ZFHX3: variants seen among roughly 807,000 people sequenced by gnomAD.
ZFHX3 encodes the protein zinc finger homeobox 3, also known as zinc finger homeobox protein 3.
In ZFHX3, 42 loss-of-function variants were observed where a neutral mutation model predicts 279.1. The observed-to-expected ratio is 0.15, with a 90% CI of 0.12 to 0.19. ZFHX3 has a LOEUF of 0.19. ZFHX3 is among the 10% of genes least tolerant of loss of function. The probability of loss-of-function intolerance (pLI) is 1.00; values close to 1 mark genes in which losing one functional copy is unlikely to be tolerated. For synonymous variants in ZFHX3, 2,293 were observed against 1,957.8 expected (o/e 1.17, Z -4.52); for missense variants, 4,981 against 4,754.0 (o/e 1.05, Z -1.40).
rs184108854 is a variant in ZFHX3, at chr16:73,702,661, C to T, written c.-1607-22421G>A. ...TGGAGGATTCCTCGTTATATGTGGCCTGAAAAGATGAGACAGCGCAGAATT... is the reference window on the plus strand; with the variant it reads ...TGGAGGATTCCTCGTTATATGTGGCTTGAAAAGATGAGACAGCGCAGAATT... On this transcript the variant is annotated intron_variant, in intron 1 of 17. Transcript: ENST00000641206. 6.8e-4 allele frequency among the ~76,000 whole-genome samples: 103 copies of T among 152,026 alleles called. 1 individual carries two copies. The highest frequency in any genetic ancestry group is 2.3e-3 in the African/African-American group (96 of 41,402).
chr16:73,494,372 C>T (rs1300576320), intron 2 of ZFHX3, among the ~76,000 whole-genome samples: 2 of 152,150 alleles, frequency 1.3e-5, no homozygotes, highest in Admixed American at 1.3e-4. Flanking sequence ...CAAAAGTCGG[C>T]ATCCATTTGT....
chr16:73,533,789 TC>T (rs1440102084), intron 2 of ZFHX3, among the ~76,000 whole-genome samples: 1 of 152,184 alleles, frequency 6.6e-6, no homozygotes, highest in African/African-American at 2.4e-5. Context: ...GAACTCCCTC[TC>T]TTTTACAGCC....
At chr16:73,211,520 G>C (rs181313000) in intron 5 of ZFHX3, among the ~76,000 whole-genome samples, 10 of 152,064 alleles carry the variant, frequency 6.6e-5, no homozygotes, top group Non-Finnish European at 1.0e-4. Context: ...AAAGCACGGG[G>C]AAATATACCT....
intron 4 of ZFHX3, among the ~76,000 whole-genome samples, chr16:72,860,216 C>T (rs1166435942): frequency 6.6e-6 from 1 of 152,144 alleles, no homozygotes; most frequent in Non-Finnish European, 1.5e-5. Context: ...CCCCCTCCAG[C>T]TGGTCCCCCT....
At chr16:72,903,170 T>C (rs1030863725) in intron 3 of ZFHX3, among the ~76,000 whole-genome samples, 1 of 152,124 alleles carries the variant, frequency 6.6e-6, no homozygotes, top group South Asian at 2.1e-4. Flanking sequence ...GGGTGCCCAC[T>C]GTGGAGGTCG....
At chr16:72,976,798 T>A (rs747737021) in intron 1 of ZFHX3, among the ~76,000 whole-genome samples, 1 of 152,196 alleles carries the variant, frequency 6.6e-6, no homozygotes, top group Non-Finnish European at 1.5e-5. Context: ...CCATGGCATC[T>A]CATGGCTGGA....
At chr16:73,070,940 A>G (rs1394774643) in intron 8 of ZFHX3, among the ~76,000 whole-genome samples, 102 of 7,312 alleles carry the variant, frequency 0.014, no homozygotes, top group African/African-American at 0.018. Flanking sequence ...GCGCGCGCGC[A>G]CACACACACA....
At chr16:73,072,305 C>T (rs1190457689) in intron 8 of ZFHX3, among the ~76,000 whole-genome samples, 1 of 151,914 alleles carries the variant, frequency 6.6e-6, no homozygotes, top group Non-Finnish European at 1.5e-5. Context: ...TTTAGCCAGG[C>T]GTGGTGGGGG....
At chr16:73,493,956 T>C (rs1428461424) in intron 2 of ZFHX3, among the ~76,000 whole-genome samples, 5 of 152,146 alleles carry the variant, frequency 3.3e-5, no homozygotes, top group Admixed American at 6.5e-5. Context: ...ATGTGGCTTT[T>C]GAAATGGCCT....
chr16:73,356,092 G>A (rs2016336101), intron 3 of ZFHX3, among the ~76,000 whole-genome samples: 1 of 152,176 alleles, frequency 6.6e-6, no homozygotes, highest in African/African-American at 2.4e-5. Context: ...TTAAAGAAGA[G>A]ATCCAGGCCA....
intron 3 of ZFHX3, among the ~76,000 whole-genome samples, chr16:73,404,739 C>T (rs1308642364): frequency 6.6e-6 from 1 of 152,180 alleles, no homozygotes; most frequent in Admixed American, 6.5e-5. Flanking sequence ...TTCAGGATGT[C>T]CCCGCGAGCC....
chr16:73,352,249 A>G (rs2016255586), intron 3 of ZFHX3, among the ~76,000 whole-genome samples: 1 of 152,166 alleles, frequency 6.6e-6, no homozygotes, highest in Admixed American at 6.5e-5. Flanking sequence ...GCATGGCCTA[A>G]AGCAGTACTC....
At chr16:73,026,689 A>AAAAAAAC (rs1567639534) in intron 1 of ZFHX3, among the ~76,000 whole-genome samples, 23 of 150,828 alleles carry the variant, frequency 1.5e-4, no homozygotes, top group African/African-American at 5.2e-4. Flanking sequence ...AAAAAAAAAA[A>AAAAAAAC]AAAAAACACA....
At chr16:73,890,288 TACA>T (rs2030491598) in intron 1 of ZFHX3, among the ~76,000 whole-genome samples, 1 of 151,766 alleles carries the variant, frequency 6.6e-6, no homozygotes, top group South Asian at 2.1e-4. Flanking sequence ...CTTCCCCTTT[TACA>T]ACGACTCTGT....
At chr16:73,458,954 T>G (rs1395618106) in intron 2 of ZFHX3, among the ~76,000 whole-genome samples, 1 of 152,226 alleles carries the variant, frequency 6.6e-6, no homozygotes, top group Non-Finnish European at 1.5e-5. Context: ...GAAGCTCATT[T>G]GCCTAATTAC....
At chr16:73,318,236 C>T (rs1054007464) in intron 4 of ZFHX3, 8 of 152,060 alleles carry the variant, frequency 5.3e-5, no homozygotes. Context: ...TATCAGAGCC[C>T]TACCTGCTGA....
intron 2 of ZFHX3, among the ~76,000 whole-genome samples, chr16:73,655,604 C>A (rs930873577): frequency 1.3e-5 from 2 of 152,040 alleles, no homozygotes; most frequent in East Asian, 3.9e-4. Context: ...TACAAACAAT[C>A]TCATTAATAA....
intron 2 of ZFHX3, among the ~76,000 whole-genome samples, chr16:73,485,378 A>T (rs2018954414): frequency 6.6e-6 from 1 of 150,946 alleles, no homozygotes; most frequent in East Asian, 1.9e-4. Context: ...GTTTAGATAC[A>T]GTCCAGGTTT....
At chr16:72,908,671 G>A (rs768871204) in intron 3 of ZFHX3, among the ~76,000 whole-genome samples, 24 of 152,178 alleles carry the variant, frequency 1.6e-4, no homozygotes, top group South Asian at 1.2e-3. Flanking sequence ...CTCATGCGAT[G>A]ACACAAATTG....
Sources: allele counts gnomAD v4.1 joint callset (sites outside exome capture counted in the v4.1 genomes callset), GRCh38; gene constraint gnomAD v4.1.1; transcripts MANE v1.5; gene names NCBI Gene and HGNC (gene_info 2026-07-23, HGNC 2026-07-21).